NTM: variants seen among roughly 807,000 people sequenced by gnomAD.
NTM encodes neurotrimin.
In NTM, 13 loss-of-function variants were observed where a neutral mutation model predicts 42.1. That is an observed-to-expected ratio of 0.31 (90% CI 0.20 to 0.49). NTM has a LOEUF of 0.49. Ranked by LOEUF, NTM falls within the 20% of genes least tolerant of loss-of-function variation. NTM has a pLI of 0.99. For missense variants in NTM, 373 were observed against 452.8 expected (o/e 0.82, Z 1.60); for synonymous variants, 187 against 179.2 (o/e 1.04, Z -0.35).
At chr11:131,554,269 T>C (rs79466328) in intron 1 of NTM, among the ~76,000 whole-genome samples, 7,491 of 152,312 alleles carry the variant, frequency 0.049, 204 homozygotes, top group Middle Eastern at 0.099. Context: ...ATGCTCTTGA[T>C]GAAACTTATT....
chr11:132,113,845 G>C (rs2063541478), intron 2 of NTM, among the ~76,000 whole-genome samples: 1 of 152,160 alleles, frequency 6.6e-6, no homozygotes, highest in African/African-American at 2.4e-5. Flanking sequence ...AGGGCTGGCT[G>C]GGCTCAGAGA....
intron 3 of NTM, among the ~76,000 whole-genome samples, chr11:132,150,526 A>T (rs367870308): frequency 1.8e-4 from 28 of 152,308 alleles, no homozygotes; most frequent in African/African-American, 5.8e-4. Flanking sequence ...GGCTAGGTAT[A>T]TTGTGGAAAG....
At chr11:132,254,532 C>T (rs1481266230) in intron 4 of NTM, among the ~76,000 whole-genome samples, 1 of 152,116 alleles carries the variant, frequency 6.6e-6, no homozygotes, top group African/African-American at 2.4e-5. Context: ...TGGCATTGTT[C>T]TCAAGTCCCA....
chr11:131,550,909 A>T (rs2054578545), intron 1 of NTM, among the ~76,000 whole-genome samples: 1 of 152,162 alleles, frequency 6.6e-6, no homozygotes, highest in Non-Finnish European at 1.5e-5. Flanking sequence ...AGTTACCGAG[A>T]CTTCCAAGTG....
intron 1 of NTM, among the ~76,000 whole-genome samples, chr11:131,481,805 A>T (rs908406805): frequency 1.3e-5 from 2 of 152,200 alleles, no homozygotes; most frequent in Non-Finnish European, 2.9e-5. Context: ...AGGTTAAAAA[A>T]AATTAAAAAA....
chr11:131,594,340 T>C (rs1465352396), intron 1 of NTM, among the ~76,000 whole-genome samples: 2 of 152,170 alleles, frequency 1.3e-5, no homozygotes, highest in Admixed American at 1.3e-4. Context: ...TCTCTTTAGC[T>C]CCTTTCCCCC....
At chr11:131,404,880 C>T (rs1405345527) in intron 1 of NTM, among the ~76,000 whole-genome samples, 4 of 152,042 alleles carry the variant, frequency 2.6e-5, no homozygotes, top group Non-Finnish European at 5.9e-5. Flanking sequence ...CAGTGATTCG[C>T]CATTGAAATA....
At chr11:131,969,971 A>G (rs2063330153) in intron 2 of NTM, among the ~76,000 whole-genome samples, 1 of 152,212 alleles carries the variant, frequency 6.6e-6, no homozygotes, top group Admixed American at 6.5e-5. Flanking sequence ...GCGCAGCACC[A>G]TGCCTGGCTA....
At chr11:131,424,106 A>G (rs1331089020) in intron 1 of NTM, among the ~76,000 whole-genome samples, 2 of 152,174 alleles carry the variant, frequency 1.3e-5, no homozygotes, top group Non-Finnish European at 2.9e-5. Context: ...CATTTACATT[A>G]TTAGGCGTTC....
At chr11:131,824,855 C>G (rs368262322) in intron 1 of NTM, among the ~76,000 whole-genome samples, 14 of 152,118 alleles carry the variant, frequency 9.2e-5, no homozygotes, top group African/African-American at 3.1e-4. Flanking sequence ...GTGCAAAGCT[C>G]TGCTGTAAGA....
Position 132,002,606 on chromosome 11 carries a change from G to T in NTM, c.167+90958G>T, listed in dbSNP as rs2069566038. Among the ~76,000 whole-genome samples the T allele has an allele frequency of 6.6e-6, 1 of 152,186 alleles. No homozygotes were observed. Among genetic ancestry groups the T allele is most frequent in the Admixed American group, 6.5e-5 (1 of 15,278 alleles). ...TTGCTTGAATAACTTTCTGCCTCTA[G>T]TATCCCCAAACTTATGTTTTGTTTT... On this transcript the variant is annotated intron_variant, in intron 2 of 8. Coordinates refer to ENST00000683400, the MANE Select transcript of NTM (RefSeq NM_001352005.2). This position sits in a 1 kb window ranked among gnomAD's most constrained non-coding sequence, Gnocchi z 4.5.
intron 1 of NTM, among the ~76,000 whole-genome samples, chr11:131,719,026 C>T (rs1460834167): frequency 6.6e-6 from 1 of 152,146 alleles, no homozygotes; most frequent in Non-Finnish European, 1.5e-5. Context: ...CTTCCCAGCT[C>T]AGCCTCCTGA....
At chr11:132,327,601 C>G (rs1399505884) in intron 7 of NTM, among the ~76,000 whole-genome samples, 1 of 152,218 alleles carries the variant, frequency 6.6e-6, no homozygotes, top group Non-Finnish European at 1.5e-5. Context: ...CAGCCCTCCT[C>G]TGCCCACTAG....
intron 2 of NTM, among the ~76,000 whole-genome samples, chr11:131,941,099 T>G (rs1474961451): frequency 6.6e-6 from 1 of 152,134 alleles, no homozygotes; most frequent in Non-Finnish European, 1.5e-5. Context: ...GACAGGCACA[T>G]TGTACAATTT....
In NTM at chr11:131,825,383, T is replaced by C. The variant is rs946200313; in HGVS notation, c.83-86181T>C. On this transcript the variant is annotated intron_variant, in intron 1 of 8. Transcript: ENST00000683400. ...TAGGACTTCAGCATATGAATTTTTG[T>C]ATGGTGGTGGGGGGTGGGGACAATT... Among the ~76,000 whole-genome samples the C allele has an allele frequency of 6.6e-5, 10 of 151,398 alleles. No individual in the cohort carries two copies. The East Asian group carries it at 1.6e-3, about 24-fold the overall frequency.
At chr11:131,578,044 T>C (rs977281762) in intron 1 of NTM, among the ~76,000 whole-genome samples, 1 of 152,234 alleles carries the variant, frequency 6.6e-6, no homozygotes, top group Non-Finnish European at 1.5e-5. Flanking sequence ...AGCGGCAGGC[T>C]GCTAGGACAC....
intron 1 of NTM, among the ~76,000 whole-genome samples, chr11:131,560,187 G>C (rs2056038445): frequency 6.6e-6 from 1 of 152,150 alleles, no homozygotes; most frequent in Admixed American, 6.5e-5. Flanking sequence ...AGACAGAAGT[G>C]ACTCTCCCTA....
chr11:131,510,679 A>T (rs766674097), intron 1 of NTM, among the ~76,000 whole-genome samples: 2 of 152,218 alleles, frequency 1.3e-5, no homozygotes, highest in Non-Finnish European at 2.9e-5. Flanking sequence ...CGTTTATAAA[A>T]GTCCTGGGGG....
chr11:131,919,304 G>A (rs1301329876), intron 2 of NTM, among the ~76,000 whole-genome samples: 5 of 152,158 alleles, frequency 3.3e-5, no homozygotes, highest in African/African-American at 2.4e-5. Context: ...TTCCCACTGT[G>A]TAATAGATAA....
Sources: gnomAD v4.1 joint callset for allele counts (sites outside exome capture counted in the v4.1 genomes callset) on GRCh38, gnomAD v4.1.1 for gene constraint, Gnocchi (gnomAD v3.1) non-coding constraint, MANE v1.5 for transcripts, NCBI Gene and HGNC (gene_info 2026-07-23, HGNC 2026-07-21) for gene names.